Variants in GUCD1 observed in about 807,000 individuals in gnomAD.
The protein encoded by GUCD1 is guanylyl cyclase domain containing 1, also known as protein GUCD1.
GUCD1 carries 17 observed loss-of-function variants against 28.3 expected under a neutral mutation model. The observed-to-expected ratio is 0.60, with a 90% confidence interval of 0.41 to 0.90. The LOEUF (loss-of-function observed/expected upper bound fraction) is 0.90. GUCD1 is among the 40% of genes least tolerant of loss of function. GUCD1 has a pLI of 0.00. For missense variants in GUCD1, 279 were observed against 305.5 expected (o/e 0.91, Z 0.65); for synonymous variants, 129 against 123.3 (o/e 1.05, Z -0.30).
intron 3 of GUCD1, 132 bp from the exon 4 acceptor site, chr22:24,547,137 G>A: frequency 2.9e-6 from 2 of 694,022 alleles, no homozygotes; most frequent in Non-Finnish European, 5.2e-6. Context: ...TGCCAGGGCA[G>A]ACGGTACATG....
At chr22:24,554,156 C>T (rs562832088) in intron 1 of GUCD1, among the ~76,000 whole-genome samples, 3 of 152,356 alleles carry the variant, frequency 2.0e-5, no homozygotes, top group Non-Finnish European at 2.9e-5. Context: ...CTGCACGCAG[C>T]GCGCGCCTGC....
intron 1 of GUCD1, among the ~76,000 whole-genome samples, chr22:24,553,211 C>A (rs568670186): frequency 6.6e-6 from 1 of 152,330 alleles, no homozygotes; most frequent in Non-Finnish European, 1.5e-5. Context: ...CTTGCACATC[C>A]CTTAGTCTAG....
chr22:24,555,752 T>C (rs1183883824), upstream of GUCD1: 6 of 1,550,474 alleles, frequency 3.9e-6, no homozygotes, highest in Non-Finnish European at 5.2e-6. Context: ...TGTGGGGTGC[T>C]TGGAAGTGTG....
chr22:24,554,914 T>C (rs1305727734), intron 1 of GUCD1, 35 bp downstream of exon 1: 3 of 1,516,862 alleles, frequency 2.0e-6, no homozygotes, highest in Admixed American at 3.5e-5. Flanking sequence ...CTTTCGTTCC[T>C]AGGGTGAAGA....
Position 24,543,901 on chromosome 22 carries a change from A to G in GUCD1, c.569T>C (p.Leu190Pro). The change falls in exon 5 of 6, where the codon CTG (leucine) becomes CCG (proline). Residue 190 changes from leucine to proline, a missense_variant. By Grantham distance (98) the Leu-to-Pro change is moderately conservative. Coordinates refer to ENST00000435822, the MANE Select transcript of GUCD1 (RefSeq NM_001284254.2). ...GCCAGTGGCCCGGTTGTAGCCACGC[A>G]GCACGATGAAGTGGCCCTGGTAGTC... is the stretch of plus-strand genomic sequence containing the variant. ...TPDYQGHFIV[L>P]RGYNRATGCI... is the part of the protein sequence containing the mutation. 1 of 1,614,080 alleles carries G rather than the reference A, an allele frequency of 6.2e-7. No individual in the cohort carries two copies. The highest frequency in any genetic ancestry group is 8.5e-7 in the Non-Finnish European group (1 of 1,179,968).
At chr22:24,550,273 C>T (rs1284974724) in intron 1 of GUCD1, among the ~76,000 whole-genome samples, 1 of 152,190 alleles carries the variant, frequency 6.6e-6, no homozygotes, top group East Asian at 1.9e-4. Flanking sequence ...ACTGGAGATA[C>T]AGCAGTGAAT....
intron 1 of GUCD1, among the ~76,000 whole-genome samples, chr22:24,549,500 G>T (rs572636464): frequency 6.2e-4 from 95 of 152,204 alleles, no homozygotes; most frequent in African/African-American, 2.2e-3. Context: ...GGAGCTCTGA[G>T]GAGGAGGGAC....
rs2044566424 is a variant in GUCD1, at chr22:24,540,524, A to G, written c.*2482T>C. 6.6e-6 allele frequency: 1 copy of G among 152,272 alleles called. No individual in the cohort carries two copies. Among genetic ancestry groups the G allele is most frequent in the Non-Finnish European group, 1.5e-5 (1 of 68,054 alleles). 9.4% of individuals were successfully genotyped at this position (152,272 alleles called of 1,614,324 possible). A position where few individuals can be genotyped will look rare whatever the true frequency, so the allele number is the denominator to read the frequency against. ...CTCTGCAATGCAAAAGATCCCTTTC[A>G]TCCCCGTGGCTAGAATGAACAAAGC... On this transcript the variant is annotated 3_prime_UTR_variant, in exon 6 of 6. Coordinates refer to ENST00000435822, the MANE Select transcript of GUCD1 (RefSeq NM_001284254.2).
chr22:24,549,115 A>G lies in GUCD1; in HGVS notation c.44-114T>C. On this transcript the variant is annotated intron_variant, in intron 1 of 5. Transcript: ENST00000435822. ...TAGACCCTGCAGGGGCTGCTCAGGG[A>G]CCTTCCCACAATCCTTCAGGAATCC... 9.1e-6 allele frequency: 6 copies of G among 659,092 alleles called. No individual in the cohort carries two copies. The South Asian group carries it at 9.2e-5, about 10-fold the overall frequency. The allele number at this position is 659,092 out of a possible 1,614,324, so 40.8% of individuals were successfully genotyped here. A position where few individuals can be genotyped will look rare whatever the true frequency, so the allele number is the denominator to read the frequency against.
At chr22:24,549,677 G>C (rs2044822647) in intron 1 of GUCD1, among the ~76,000 whole-genome samples, 1 of 152,150 alleles carries the variant, frequency 6.6e-6, no homozygotes, top group African/African-American at 2.4e-5. Context: ...ACCATGCCCA[G>C]CTAATTATTG....
intron 1 of GUCD1, among the ~76,000 whole-genome samples, chr22:24,551,696 G>A (rs927799343): frequency 1.3e-5 from 2 of 152,044 alleles, no homozygotes; most frequent in Admixed American, 6.5e-5. Flanking sequence ...TTTGAGAAAC[G>A]AGGGAACTCT....
At chr22:24,548,136 T>A (rs2044778966) in intron 2 of GUCD1, 63 bp from the exon 3 acceptor site, 1 of 1,439,916 alleles carries the variant, frequency 6.9e-7, no homozygotes, top group Non-Finnish European at 9.6e-7. Context: ...TGAGTCACCC[T>A]CCACCCACTG....
Position 24,555,023 on chromosome 22 carries a change from G to A in GUCD1, c.-32C>T, listed in dbSNP as rs745462917. 18 of 1,456,016 alleles carry A rather than the reference G, an allele frequency of 1.2e-5. No homozygotes were observed. Among genetic ancestry groups the A allele is most frequent in the East Asian group, 2.7e-5 (1 of 36,440 alleles). 90.2% of individuals were successfully genotyped at this position (1,456,016 alleles called of 1,614,324 possible). A position where few individuals can be genotyped will look rare whatever the true frequency, so the allele number is the denominator to read the frequency against. ...GGCGGCGCGGGGCGCCCATGGCCCCGGCCCAGAGCGGGCTACAGCTTCCGC... is the reference window on the plus strand; with the variant it reads ...GGCGGCGCGGGGCGCCCATGGCCCCAGCCCAGAGCGGGCTACAGCTTCCGC... On this transcript the variant is annotated 5_prime_UTR_variant, in exon 1 of 6. Transcript: ENST00000435822.
At chr22:24,549,757 C>T (rs2044824388) in intron 1 of GUCD1, among the ~76,000 whole-genome samples, 1 of 152,184 alleles carries the variant, frequency 6.6e-6, no homozygotes, top group South Asian at 2.1e-4. Context: ...CTCCTGACCT[C>T]AGGTGATCCA....
intron 1 of GUCD1, among the ~76,000 whole-genome samples, chr22:24,553,044 C>T (rs572447686): frequency 9.1e-4 from 139 of 152,324 alleles, no homozygotes; most frequent in Non-Finnish European, 1.5e-3. Context: ...CAAGCCCTGA[C>T]CCCTAGGGAC....
Position 24,544,679 on chromosome 22 carries a change from C to G in GUCD1, c.387-596G>C, listed in dbSNP as rs114665031. 4.1e-3 allele frequency among the ~76,000 whole-genome samples: 627 copies of G among 152,268 alleles called. 1 individual carries two copies. The highest frequency in any genetic ancestry group is 7.1e-3 in the Non-Finnish European group (480 of 68,020). On this transcript the variant is annotated intron_variant, in intron 4 of 5. Transcript: ENST00000435822. Reference sequence around the variant, plus strand: ...TCCCTCACTGGCAGAAGGCACTGCCCCATCCTGTGCCTTCCACTAGGCAGC... The same window carrying G: ...TCCCTCACTGGCAGAAGGCACTGCCGCATCCTGTGCCTTCCACTAGGCAGC...
At chr22:24,555,339 C>T, upstream of GUCD1, 2 of 1,387,290 alleles carry the variant, frequency 1.4e-6, no homozygotes, top group East Asian at 2.6e-5. Context: ...CACCAGGACG[C>T]GGGCCCCGGA....
chr22:24,549,404 C>CT (rs777261265), intron 1 of GUCD1, among the ~76,000 whole-genome samples: 1 of 152,220 alleles, frequency 6.6e-6, no homozygotes, highest in Non-Finnish European at 1.5e-5. Context: ...TTGGATGTCA[C>CT]TTCTCCAGTA....
chr22:24,554,944 C>T lies in GUCD1; in HGVS notation c.43+5G>A. The T allele has an allele frequency of 6.3e-7, 1 of 1,575,360 alleles. No individual in the cohort carries two copies. The highest frequency in any genetic ancestry group is 1.1e-5 in the South Asian group (1 of 88,684). Reference sequence around the variant, plus strand: ...TGAAGACTGGGCCCACAGAGAGGCACTGACCGGGCTCGAGCGGCGGCCCCG... The same window carrying T: ...TGAAGACTGGGCCCACAGAGAGGCATTGACCGGGCTCGAGCGGCGGCCCCG... On this transcript the variant is annotated splice_donor_5th_base_variant and intron_variant, in intron 1 of 5. Transcript: ENST00000435822.
Sources: gnomAD v4.1 joint callset for allele counts (sites outside exome capture counted in the v4.1 genomes callset) on GRCh38, gnomAD v4.1.1 for gene constraint, MANE v1.5 for transcripts, NCBI Gene and HGNC (gene_info 2026-07-23, HGNC 2026-07-21) for gene names.